The following OGDH variants were observed in gnomAD, a reference collection of about 807,000 sequenced individuals.
OGDH encodes 2-oxoglutarate dehydrogenase complex component E1.
OGDH carries 38 observed loss-of-function variants against 116.6 expected under a neutral mutation model. That is an observed-to-expected ratio of 0.33 (90% confidence interval 0.25 to 0.43). The LOEUF (loss-of-function observed/expected upper bound fraction) is 0.43. OGDH is among the 20% of genes least tolerant of loss of function. The pLI is 1.00. For missense variants in OGDH, 825 were observed against 1,357.2 expected (o/e 0.61, Z 6.16); for synonymous variants, 488 against 533.3 (o/e 0.92, Z 1.17).
chr7:44,631,218 C>A (rs1400842843), intron 2 of OGDH, among the ~76,000 whole-genome samples: 1 of 152,186 alleles, frequency 6.6e-6, no homozygotes, highest in East Asian at 1.9e-4. Context: ...ATACGGAGGG[C>A]TGACTGTATA....
chr7:44,645,926 AAG>A (rs1226528519), intron 3 of OGDH, among the ~76,000 whole-genome samples: 1 of 152,124 alleles, frequency 6.6e-6, no homozygotes, highest in Non-Finnish European at 1.5e-5. Flanking sequence ...TGAATACTAT[AAG>A]AGAAGAAAAC....
At chr7:44,656,182 G>T in intron 4 of OGDH, 2 of 757,264 alleles carry the variant, frequency 2.6e-6, no homozygotes, top group Non-Finnish European at 2.2e-6. Context: ...GTGTGTGTGT[G>T]TCCCTGTGAT....
intron 10 of OGDH, among the ~76,000 whole-genome samples, chr7:44,690,364 G>A (rs891219961): frequency 1.1e-4 from 17 of 152,100 alleles, no homozygotes; most frequent in East Asian, 1.9e-4. Context: ...GGCCCTAAAG[G>A]TTCCTTTGTC....
intron 4 of OGDH, among the ~76,000 whole-genome samples, chr7:44,650,032 G>T (rs1427420820): frequency 6.6e-6 from 1 of 152,076 alleles, no homozygotes; most frequent in African/African-American, 2.4e-5. Flanking sequence ...GACATCTCTG[G>T]CCAGGAGCCC....
At chr7:44,608,688 T>C (rs897667311) in intron 1 of OGDH, among the ~76,000 whole-genome samples, 10 of 151,518 alleles carry the variant, frequency 6.6e-5, no homozygotes, top group Admixed American at 6.6e-4. Context: ...GCCACGGCAC[T>C]ACAGCCTGAG....
At chr7:44,623,363 C>G (rs1785074198) in intron 1 of OGDH, among the ~76,000 whole-genome samples, 1 of 152,172 alleles carries the variant, frequency 6.6e-6, no homozygotes, top group Non-Finnish European at 1.5e-5. Flanking sequence ...CCTCTGCAAT[C>G]TTTTCTATGT....
At chr7:44,636,997 T>TCAG (rs1308848844) in intron 2 of OGDH, among the ~76,000 whole-genome samples, 2 of 152,108 alleles carry the variant, frequency 1.3e-5, no homozygotes, top group Admixed American at 6.5e-5. Context: ...GTGGCAAAAG[T>TCAG]CAGCCATTAC....
chr7:44,626,338 C>T (rs1250744785), intron 2 of OGDH, among the ~76,000 whole-genome samples: 1 of 35,196 alleles, frequency 2.8e-5, no homozygotes, highest in African/African-American at 8.9e-5. Context: ...CACACCCCTA[C>T]ACACACACAC....
At chr7:44,622,334 G>A (rs1051248445) in intron 1 of OGDH, among the ~76,000 whole-genome samples, 1 of 152,082 alleles carries the variant, frequency 6.6e-6, no homozygotes, top group Admixed American at 6.5e-5. Flanking sequence ...AAGAACTACC[G>A]AATTAACTTA....
intron 2 of OGDH, among the ~76,000 whole-genome samples, chr7:44,625,390 G>C (rs1474407107): frequency 1.3e-5 from 2 of 152,186 alleles, no homozygotes; most frequent in Non-Finnish European, 2.9e-5. Context: ...CTCCCAAAGT[G>C]CTGGGATTAC....
Position 44,691,981 on chromosome 7 carries a change from T to TAAAAAAAAAA in OGDH, c.1336-1829_1336-1820dup, listed in dbSNP as rs371665967. Among the ~76,000 whole-genome samples the TAAAAAAAAAA allele has an allele frequency of 5.8e-4, 59 of 102,604 alleles. 1 individual carries two copies. The highest frequency in any genetic ancestry group is 2.0e-3 in the African/African-American group (46 of 22,760). The allele number at this position is 102,604 out of a possible 152,430, so 67.3% of individuals were successfully genotyped here. ...TGGGAGTCACAATGAGACTCTGTCT[T>TAAAAAAAAAA]AAAAAAAAAAAAAAAAAAAAAAAAG... On this transcript the variant is annotated intron_variant, in intron 10 of 22. Coordinates refer to ENST00000222673, the MANE Select transcript of OGDH (RefSeq NM_002541.4).
At chr7:44,655,991 G>A (rs767840695) in intron 4 of OGDH, among the ~76,000 whole-genome samples, 2 of 152,018 alleles carry the variant, frequency 1.3e-5, no homozygotes, top group Admixed American at 6.6e-5. Flanking sequence ...GCTGTTATCC[G>A]CCACTTCTTG....
chr7:44,648,215 G>A (rs939563358), intron 4 of OGDH, among the ~76,000 whole-genome samples: 1 of 152,208 alleles, frequency 6.6e-6, no homozygotes, highest in Admixed American at 6.5e-5. Context: ...CTTAGGGGAC[G>A]AATTCTAGAG....
At chr7:44,619,833 G>A (rs182366606) in intron 1 of OGDH, among the ~76,000 whole-genome samples, 4 of 152,138 alleles carry the variant, frequency 2.6e-5, no homozygotes, top group African/African-American at 7.2e-5. Context: ...TTGGCTGTTA[G>A]TATATCTTCT....
chr7:44,646,798 C>G (rs1273304725), intron 3 of OGDH, among the ~76,000 whole-genome samples: 1 of 152,178 alleles, frequency 6.6e-6, no homozygotes, highest in African/African-American at 2.4e-5. Flanking sequence ...TGCTGACCTA[C>G]TCAGCAGCAG....
rs554344325 is a variant in OGDH, at chr7:44,630,471, T to C, written c.222+5906T>C. ...TCTGGGAATAATTCACAAGGCACTT[T>C]AGGCAATGCCAGTTGGGTGGTTGGA... On this transcript the variant is annotated intron_variant, in intron 2 of 22. Transcript: ENST00000222673. Among the ~76,000 whole-genome samples, 8 of 152,360 alleles carry C rather than the reference T, an allele frequency of 5.3e-5. No individual in the cohort carries two copies. In the South Asian group the frequency reaches 1.4e-3, roughly 28 times the overall value.
chr7:44,666,226 T>C (rs1357313766), intron 4 of OGDH, among the ~76,000 whole-genome samples: 1 of 152,152 alleles, frequency 6.6e-6, no homozygotes, highest in African/African-American at 2.4e-5. Context: ...GGTGACTGTT[T>C]CTCCTTCACT....
intron 5 of OGDH, among the ~76,000 whole-genome samples, chr7:44,672,010 A>G (rs1787482490): frequency 6.6e-6 from 1 of 152,146 alleles, no homozygotes. Context: ...CAGAGCTTGC[A>G]GTGAGCCGAG....
At chr7:44,681,910 G>C in intron 10 of OGDH, 62 bp downstream of exon 10, 1 of 1,575,442 alleles carries the variant, frequency 6.3e-7, no homozygotes, top group Non-Finnish European at 8.7e-7. Flanking sequence ...TGACATCTCT[G>C]AGTCATTTAG....
Sources: allele counts gnomAD v4.1 joint callset (sites outside exome capture counted in the v4.1 genomes callset), GRCh38; gene constraint gnomAD v4.1.1; transcripts MANE v1.5; gene names NCBI Gene and HGNC (gene_info 2026-07-23, HGNC 2026-07-21).